DIAPH3: variants seen among roughly 807,000 people sequenced by gnomAD.
DIAPH3 encodes protein diaphanous homolog 3.
Under a neutral mutation model 144.3 loss-of-function variants are expected in DIAPH3, and 117 were observed. The observed-to-expected ratio is 0.81, with a 90% CI of 0.70 to 0.95. The LOEUF is 0.95. DIAPH3 is among the 40% of genes least tolerant of loss of function. The pLI is 0.00. For missense variants in DIAPH3, 1,421 were observed against 1,412.7 expected (o/e 1.01, Z -0.09); for synonymous variants, 519 against 488.9 (o/e 1.06, Z -0.81).
chr13:60,157,868 C>T (rs556640515), intron 1 of DIAPH3, among the ~76,000 whole-genome samples: 1 of 152,266 alleles, frequency 6.6e-6, no homozygotes, highest in African/African-American at 2.4e-5. Flanking sequence ...TGGAGTCTGT[C>T]CCATACATGT....
chr13:60,084,331 T>C (rs1456407413), intron 4 of DIAPH3, among the ~76,000 whole-genome samples: 1 of 152,078 alleles, frequency 6.6e-6, no homozygotes, highest in African/African-American at 2.4e-5. Flanking sequence ...CTATTTTTAT[T>C]CGACAAACGG....
intron 26 of DIAPH3, 91 bp from the exon 27 acceptor site, chr13:59,774,339 A>G: frequency 6.3e-6 from 7 of 1,104,388 alleles, no homozygotes; most frequent in Non-Finnish European, 9.3e-6. Context: ...TTCCAAGGTT[A>G]TGTATTTCTG....
chr13:59,842,174 G>A (rs374607265), intron 22 of DIAPH3, among the ~76,000 whole-genome samples: 50 of 151,868 alleles, frequency 3.3e-4, no homozygotes, highest in East Asian at 2.1e-3. Context: ...CTGGATGGAC[G>A]GGTGAGTGTG....
chr13:59,675,158 T>TA (rs2032575707), intron 27 of DIAPH3, among the ~76,000 whole-genome samples: 1 of 152,146 alleles, frequency 6.6e-6, no homozygotes, highest in Non-Finnish European at 1.5e-5. Context: ...CTTGAACTCC[T>TA]GGGCTCAAGG....
intron 20 of DIAPH3, among the ~76,000 whole-genome samples, chr13:59,911,438 C>A (rs1042920289): frequency 6.6e-6 from 1 of 152,136 alleles, no homozygotes; most frequent in Non-Finnish European, 1.5e-5. Flanking sequence ...CACAAATATA[C>A]CTCTCTATTC....
intron 2 of DIAPH3, among the ~76,000 whole-genome samples, chr13:60,115,016 A>G (rs1029767949): frequency 2.0e-5 from 3 of 152,252 alleles, no homozygotes; most frequent in Non-Finnish European, 2.9e-5. Flanking sequence ...GTCAATTAAT[A>G]CATTGCTGTA....
chr13:59,736,118 C>A (rs1329249659), intron 27 of DIAPH3, among the ~76,000 whole-genome samples: 1 of 152,144 alleles, frequency 6.6e-6, no homozygotes, highest in Non-Finnish European at 1.5e-5. Flanking sequence ...AAAGGACATG[C>A]TTGCATTCTT....
At chr13:60,140,626 T>C (rs1244630516) in intron 1 of DIAPH3, among the ~76,000 whole-genome samples, 1 of 152,160 alleles carries the variant, frequency 6.6e-6, no homozygotes, top group Non-Finnish European at 1.5e-5. Context: ...TTTACACATC[T>C]GGATTATGGG....
At position 60,104,566 on chromosome 13, in the gene DIAPH3, GCA is replaced by G. The variant is rs10633554; in HGVS notation, c.390+7442_390+7443del. Among the ~76,000 whole-genome samples the G allele has an allele frequency of 1.0e-3, 148 of 147,042 alleles. 1 individual carries two copies. Among genetic ancestry groups the G allele is most frequent in the South Asian group, 3.7e-3 (17 of 4,598 alleles). ...CAGTTTATCCTAATGCAGTATCAAG[GCA>G]CACACACACACACACACACACACAC... On this transcript the variant is annotated intron_variant, in intron 3 of 27. Coordinates refer to ENST00000400324, the MANE Select transcript of DIAPH3 (RefSeq NM_001042517.2).
At chr13:60,069,360 T>C (rs1180367593) in intron 4 of DIAPH3, among the ~76,000 whole-genome samples, 2 of 152,148 alleles carry the variant, frequency 1.3e-5, no homozygotes, top group African/African-American at 4.8e-5. Context: ...AAGTTCCTTA[T>C]AGATTCTGGA....
rs1321447686 is a variant in DIAPH3, at chr13:60,111,907, T to G, written c.390+103A>C. ...TGCTATCTTAAGTGACATCAGAAAT[T>G]AGCCTATGGAGTATGACTACCAAAA... On this transcript the variant is annotated intron_variant, in intron 3 of 27. Transcript: ENST00000400324. 11 of 1,112,566 alleles carry G rather than the reference T, an allele frequency of 9.9e-6. No homozygotes were observed. The Admixed American group carries it at 2.1e-4, about 22-fold the overall frequency. The allele number at this position is 1,112,566 out of a possible 1,614,324, so 68.9% of individuals were successfully genotyped here. A position where few individuals can be genotyped will look rare whatever the true frequency, so the allele number is the denominator to read the frequency against.
At chr13:60,136,472 CAAA>C (rs34487556) in intron 1 of DIAPH3, among the ~76,000 whole-genome samples, 7 of 81,950 alleles carry the variant, frequency 8.5e-5, no homozygotes, top group Non-Finnish European at 1.3e-4. Context: ...TTATATTTAC[CAAA>C]AAAAAAAAAA....
intron 27 of DIAPH3, among the ~76,000 whole-genome samples, chr13:59,726,497 C>G (rs554797946): frequency 5.3e-5 from 8 of 152,306 alleles, no homozygotes; most frequent in African/African-American, 1.7e-4. Flanking sequence ...TGTACACCTC[C>G]TTATATCTAC....
chr13:60,080,909 C>T (rs116572946), intron 4 of DIAPH3, among the ~76,000 whole-genome samples: 5,919 of 151,966 alleles, frequency 0.039, 163 homozygotes, highest in African/African-American at 0.087. Context: ...CTCTTAGATG[C>T]CTATGAACTC....
intron 27 of DIAPH3, among the ~76,000 whole-genome samples, chr13:59,690,330 T>C (rs1379518): frequency 0.73 from 111,582 of 152,040 alleles, 41,190 homozygotes; most frequent in East Asian, 0.88. Context: ...GATGCAGAAA[T>C]TCAGGCATAG....
intron 22 of DIAPH3, 103 bp from the exon 23 acceptor site, chr13:59,839,551 G>T: frequency 9.6e-7 from 1 of 1,039,610 alleles, no homozygotes; most frequent in Non-Finnish European, 1.3e-6. Context: ...TCACAATAAT[G>T]TAAGAAAATT....
intron 27 of DIAPH3, 46 bp from the exon 28 acceptor site, chr13:59,666,892 C>T (rs1220105472): frequency 6.2e-7 from 1 of 1,606,632 alleles, no homozygotes; most frequent in Non-Finnish European, 8.5e-7. Context: ...CCATGATAAC[C>T]AAGGACTGTG....
rs116749652 is a variant in DIAPH3, at chr13:59,804,049, C to T, written c.3163+6739G>A. ...TGCAAATTCTCTGGTTCCTTAACTT[C>T]TATTCTGAGTCAAACAATGAAAGTA... On this transcript the variant is annotated intron_variant, in intron 25 of 27. Transcript: ENST00000400324. 2.8e-3 allele frequency among the ~76,000 whole-genome samples: 419 copies of T among 152,308 alleles called. 3 individuals carry two copies. The highest frequency in any genetic ancestry group is 9.6e-3 in the African/African-American group (400 of 41,562).
At chr13:60,055,669 T>C (rs1394222624) in intron 4 of DIAPH3, among the ~76,000 whole-genome samples, 1 of 151,860 alleles carries the variant, frequency 6.6e-6, no homozygotes. Context: ...CTAGAAAGCA[T>C]GTGTAACTAG....
Sources: allele counts gnomAD v4.1 joint callset (sites outside exome capture counted in the v4.1 genomes callset), GRCh38; gene constraint gnomAD v4.1.1; transcripts MANE v1.5; gene names NCBI Gene and HGNC (gene_info 2026-07-23, HGNC 2026-07-21).